The following CAPN5 variants were observed in gnomAD, a reference collection of about 807,000 sequenced individuals.
CAPN5 encodes the protein calpain-5.
In CAPN5, 54 loss-of-function variants were observed where a neutral mutation model predicts 73.0. The observed-to-expected ratio is 0.74, with a 90% CI of 0.59 to 0.93. The LOEUF (loss-of-function observed/expected upper bound fraction) is 0.93. Ranked by LOEUF, CAPN5 falls within the 40% of genes least tolerant of loss-of-function variation. The probability of loss-of-function intolerance (pLI) is 0.00; values close to 1 mark genes in which losing one functional copy is unlikely to be tolerated. For missense variants in CAPN5, 785 were observed against 882.9 expected, an observed-to-expected ratio of 0.89 and a Z score of 1.41; for synonymous variants, 335 against 356.9, an observed-to-expected ratio of 0.94 and a Z score of 0.69.
At chr11:77,096,700 T>G (rs1950212433) in intron 3 of CAPN5, among the ~76,000 whole-genome samples, 1 of 152,250 alleles carries the variant, frequency 6.6e-6, no homozygotes, top group Non-Finnish European at 1.5e-5. Context: ...AGCCAAGATC[T>G]GCTGTGAGCT....
chr11:77,100,965 A>G (rs1469375830), intron 3 of CAPN5, among the ~76,000 whole-genome samples: 2 of 152,046 alleles, frequency 1.3e-5, no homozygotes. Context: ...CCAAAGGCCC[A>G]GTCTCTCTGA....
intron 3 of CAPN5, among the ~76,000 whole-genome samples, chr11:77,102,308 G>A (rs781871386): frequency 2.0e-5 from 3 of 152,098 alleles, no homozygotes; most frequent in Non-Finnish European, 4.4e-5. Context: ...AGGAGTGAGA[G>A]GGAGGCGGGC....
intron 4 of CAPN5, 107 bp downstream of exon 4, chr11:77,112,904 G>C (rs1555041013): frequency 6.4e-6 from 7 of 1,088,544 alleles, no homozygotes; most frequent in Non-Finnish European, 9.5e-6. Flanking sequence ...AGAGAAGTGA[G>C]GGGCTGGTGC....
At chr11:77,089,018 C>A (rs1286434751) in intron 2 of CAPN5, among the ~76,000 whole-genome samples, 1 of 152,172 alleles carries the variant, frequency 6.6e-6, no homozygotes, top group Non-Finnish European at 1.5e-5. Context: ...ACTTTGTCCC[C>A]CCTCCCTCCC....
intron 3 of CAPN5, among the ~76,000 whole-genome samples, chr11:77,106,317 A>C (rs1950348671): frequency 6.9e-5 from 3 of 43,756 alleles, no homozygotes; most frequent in East Asian, 6.8e-4. Context: ...CCCCCTCCCC[A>C]AGCTTGCCTT....
intron 2 of CAPN5, chr11:77,087,831 T>C: frequency 7.0e-7 from 1 of 1,434,926 alleles, no homozygotes; most frequent in Non-Finnish European, 9.4e-7. Context: ...TCCCATCTCC[T>C]ATTGACTCTG....
At chr11:77,085,489 T>C (rs1180417555) in intron 2 of CAPN5, among the ~76,000 whole-genome samples, 1 of 152,238 alleles carries the variant, frequency 6.6e-6, no homozygotes, top group African/African-American at 2.4e-5. Context: ...GTATTTATTA[T>C]GATGATTAAT....
intron 3 of CAPN5, chr11:77,103,346 T>A: frequency 6.2e-7 from 1 of 1,600,468 alleles, no homozygotes; most frequent in South Asian, 1.1e-5. Flanking sequence ...AGCTGCCAGC[T>A]GCTGCTCTCC....
rs1950299497 is a variant in CAPN5, at chr11:77,102,787, C to G, written c.297+8974C>G. ...TTGGTGGCCTCTTCTCTCCACGGCC[C>G]CAGGCTCCAGCCCACTTGGGTCCTT... On this transcript the variant is annotated intron_variant, in intron 3 of 12. Coordinates refer to ENST00000648180, the MANE Select transcript of CAPN5 (RefSeq NM_004055.5). The G allele has an allele frequency of 2.7e-6, 4 of 1,483,922 alleles. No individual in the cohort carries two copies. The South Asian group carries it at 5.4e-5, about 20-fold the overall frequency. 91.9% of individuals were successfully genotyped at this position (1,483,922 alleles called of 1,614,324 possible).
At chr11:77,075,054 G>A (rs10899350) in intron 1 of CAPN5, among the ~76,000 whole-genome samples, 1 of 151,770 alleles carries the variant, frequency 6.6e-6, no homozygotes. Flanking sequence ...ATGGGGCTCC[G>A]CAAGACAGCC....
Position 77,124,042 on chromosome 11 carries a change from G to T in CAPN5, c.*172G>T. 1.6e-6 allele frequency: 1 copy of T among 630,620 alleles called. No homozygotes were observed. The highest frequency in any genetic ancestry group is 2.7e-6 in the Non-Finnish European group (1 of 368,192). The allele number at this position is 630,620 out of a possible 1,614,324, so 39.1% of individuals were successfully genotyped here. A position where few individuals can be genotyped will look rare whatever the true frequency, so the allele number is the denominator to read the frequency against. On this transcript the variant is annotated 3_prime_UTR_variant, in exon 13 of 13. Coordinates refer to ENST00000648180, the MANE Select transcript of CAPN5 (RefSeq NM_004055.5). ...CTCTCTCAGCCTCAGTGTCCCGAGG[G>T]CCCCGAAGCATTCCATTCTCGTGGA...
intron 1 of CAPN5, among the ~76,000 whole-genome samples, chr11:77,084,372 T>C (rs1950059344): frequency 6.6e-6 from 1 of 152,140 alleles, no homozygotes; most frequent in African/African-American, 2.4e-5. Context: ...AGAGAATGAA[T>C]GAATGATGCT....
intron 3 of CAPN5, among the ~76,000 whole-genome samples, chr11:77,097,588 T>G (rs2135443861): frequency 8.3e-6 from 1 of 120,898 alleles, no homozygotes; most frequent in South Asian, 3.5e-4. Flanking sequence ...AACAAAGGTC[T>G]CTGGTTTTCC....
At chr11:77,085,323 T>C (rs2135424071) in intron 2 of CAPN5, among the ~76,000 whole-genome samples, 1 of 152,280 alleles carries the variant, frequency 6.6e-6, no homozygotes, top group East Asian at 1.9e-4. Flanking sequence ...GGCAGTAACC[T>C]CAGCCCCGCT....
chr11:77,096,283 AC>A (rs1950207788), intron 3 of CAPN5, among the ~76,000 whole-genome samples: 1 of 151,808 alleles, frequency 6.6e-6, no homozygotes, highest in Admixed American at 6.6e-5. Flanking sequence ...AGCCACCCTT[AC>A]CCCTCACAGG....
chr11:77,091,312 T>G (rs1051481354), intron 2 of CAPN5, among the ~76,000 whole-genome samples: 1 of 152,108 alleles, frequency 6.6e-6, no homozygotes, highest in Admixed American at 6.5e-5. Context: ...TCAAATTCGG[T>G]CTTCCTGCCT....
At chr11:77,091,314 T>C (rs554184191) in intron 2 of CAPN5, among the ~76,000 whole-genome samples, 1 of 152,302 alleles carries the variant, frequency 6.6e-6, no homozygotes, top group African/African-American at 2.4e-5. Flanking sequence ...AAATTCGGTC[T>C]TCCTGCCTCT....
At chr11:77,119,928 T>C (rs1950506363) in intron 9 of CAPN5, 1 of 152,294 alleles carries the variant, frequency 6.6e-6, no homozygotes, top group Admixed American at 6.5e-5. Flanking sequence ...TCCTGGCAGC[T>C]GGTGATGGCA....
intron 3 of CAPN5, among the ~76,000 whole-genome samples, chr11:77,096,053 G>A (rs1428078102): frequency 3.9e-5 from 6 of 152,050 alleles, no homozygotes; most frequent in African/African-American, 9.7e-5. Flanking sequence ...TCCGTCCCTC[G>A]TCCCTGTTGA....
Sources: gnomAD v4.1 joint callset for allele counts (sites outside exome capture counted in the v4.1 genomes callset) on GRCh38, gnomAD v4.1.1 for gene constraint, MANE v1.5 for transcripts, NCBI Gene and HGNC (gene_info 2026-07-23, HGNC 2026-07-21) for gene names.